CSMD1: variants seen among roughly 807,000 people sequenced by gnomAD.
The protein encoded by CSMD1 is CUB and Sushi multiple domains 1.
In CSMD1, 213 loss-of-function variants were observed where a neutral mutation model predicts 417.5. The observed-to-expected ratio is 0.51, with a 90% CI of 0.46 to 0.57. The LOEUF is 0.57. CSMD1 is among the 20% of genes least tolerant of loss of function. CSMD1 has a pLI of 0.00. For synonymous variants in CSMD1, 2,862 were observed against 1,736.8 expected (o/e 1.65, Z -16.11); for missense variants, 6,923 against 4,529.7 (o/e 1.53, Z -15.17).
At chr8:3,012,721 T>A (rs886316414) in intron 52 of CSMD1, among the ~76,000 whole-genome samples, 1 of 152,226 alleles carries the variant, frequency 6.6e-6, no homozygotes, top group Non-Finnish European at 1.5e-5. Context: ...ATCCACCTGT[T>A]TAAAAATACA....
intron 5 of CSMD1, among the ~76,000 whole-genome samples, chr8:3,910,355 A>G (rs188698265): frequency 1.9e-3 from 289 of 152,266 alleles, no homozygotes; most frequent in African/African-American, 6.7e-3. Context: ...TGGCAGGTGC[A>G]CCGAGGCCAC....
chr8:3,484,142 G>A (rs1322924421), intron 11 of CSMD1, among the ~76,000 whole-genome samples: 2 of 152,076 alleles, frequency 1.3e-5, no homozygotes, highest in East Asian at 1.9e-4. Flanking sequence ...TCTTGACAAA[G>A]AACAATAAAG....
chr8:3,613,220 T>C, intron 8 of CSMD1: 1 of 348,096 alleles, frequency 2.9e-6, no homozygotes, highest in Non-Finnish European at 5.7e-6. Context: ...GAAGTAGAAG[T>C]AGATCATCTA....
At chr8:4,973,566 C>T (rs1476516921) in intron 1 of CSMD1, among the ~76,000 whole-genome samples, 1 of 152,138 alleles carries the variant, frequency 6.6e-6, no homozygotes, top group African/African-American at 2.4e-5. Context: ...GACTCAAAAA[C>T]ATCTCTGCAA....
At chr8:4,711,072 A>T (rs765787253) in intron 1 of CSMD1, among the ~76,000 whole-genome samples, 6 of 151,938 alleles carry the variant, frequency 3.9e-5, no homozygotes, top group Non-Finnish European at 7.4e-5. Flanking sequence ...TCATGACATG[A>T]TATTTCAGAA....
chr8:3,738,114 T>A (rs1024547980), intron 6 of CSMD1, among the ~76,000 whole-genome samples: 3 of 152,210 alleles, frequency 2.0e-5, no homozygotes, highest in African/African-American at 4.8e-5. Flanking sequence ...GGCTCTAACA[T>A]ACACTTTTAT....
chr8:4,195,525 G>C (rs968370), intron 3 of CSMD1, among the ~76,000 whole-genome samples: 74,289 of 152,070 alleles, frequency 0.49, 19,886 homozygotes, highest in Non-Finnish European at 0.6. Flanking sequence ...CCCTGCTCTT[G>C]ACTGTGAGAA....
intron 2 of CSMD1, among the ~76,000 whole-genome samples, chr8:4,449,534 G>A (rs969487569): frequency 2.0e-5 from 3 of 152,178 alleles, no homozygotes; most frequent in African/African-American, 7.2e-5. Context: ...GTGTCTGTGA[G>A]TCACAGGAAG....
At chr8:4,451,554 G>C (rs1322385111) in intron 2 of CSMD1, among the ~76,000 whole-genome samples, 1 of 152,076 alleles carries the variant, frequency 6.6e-6, no homozygotes, top group African/African-American at 2.4e-5. Context: ...AAGGTAAAGG[G>C]TGAGCGATAG....
intron 2 of CSMD1, among the ~76,000 whole-genome samples, chr8:4,550,458 C>G (rs746975034): frequency 2.6e-5 from 4 of 151,804 alleles, no homozygotes; most frequent in Non-Finnish European, 5.9e-5. Flanking sequence ...AAAGGTATTG[C>G]ATTTTTAGGT....
intron 5 of CSMD1, among the ~76,000 whole-genome samples, chr8:3,994,284 G>T (rs143033257): frequency 0.018 from 2,775 of 152,060 alleles, 43 homozygotes; most frequent in Non-Finnish European, 0.025. Context: ...GGGAGTAAAT[G>T]CTCCCTCAGT....
At chr8:3,822,938 C>A (rs1174196536) in intron 5 of CSMD1, among the ~76,000 whole-genome samples, 1 of 152,108 alleles carries the variant, frequency 6.6e-6, no homozygotes, top group East Asian at 1.9e-4. Context: ...GGTATTCTAT[C>A]CCTGGGCTAA....
intron 5 of CSMD1, among the ~76,000 whole-genome samples, chr8:3,799,368 G>T (rs1398590793): frequency 1.3e-5 from 2 of 149,410 alleles, no homozygotes; most frequent in Non-Finnish European, 3.0e-5. Flanking sequence ...ATTGCATTAG[G>T]TATATCTCCT....
chr8:2,963,518 A>T (rs1016939947), intron 59 of CSMD1, 123 bp from the exon 60 acceptor site: 56 of 943,136 alleles, frequency 5.9e-5, no homozygotes, highest in African/African-American at 2.3e-4. Context: ...TTTTAAAAAA[A>T]AATAATAAAA....
At chr8:4,982,106 A>G (rs1050193042) in intron 1 of CSMD1, among the ~76,000 whole-genome samples, 6 of 152,184 alleles carry the variant, frequency 3.9e-5, no homozygotes, top group African/African-American at 1.4e-4. Flanking sequence ...TCAGGTGGCA[A>G]TGAAGTCCCA....
intron 1 of CSMD1, among the ~76,000 whole-genome samples, chr8:4,806,766 T>C (rs1798612449): frequency 6.6e-6 from 1 of 152,112 alleles, no homozygotes; most frequent in African/African-American, 2.4e-5. Flanking sequence ...ACCCATTTGA[T>C]CACAAAAATC....
At chr8:4,306,054 T>C (rs1209138872) in intron 3 of CSMD1, among the ~76,000 whole-genome samples, 1 of 152,222 alleles carries the variant, frequency 6.6e-6, no homozygotes, top group Non-Finnish European at 1.5e-5. Flanking sequence ...TGCACATTAC[T>C]GGACATTTTG....
At chr8:3,613,267 A>C (rs1013174139) in intron 8 of CSMD1, 2 of 422,604 alleles carry the variant, frequency 4.7e-6, no homozygotes, top group African/African-American at 4.1e-5. Context: ...TCAATCCGTA[A>C]TTAAAAACCT....
chr8:4,215,616 C>T (rs1040032861), intron 3 of CSMD1, among the ~76,000 whole-genome samples: 10 of 151,760 alleles, frequency 6.6e-5, no homozygotes, highest in African/African-American at 2.4e-4. Flanking sequence ...AACATGTTTA[C>T]TTTGAACATA....
Sources: gnomAD v4.1 joint callset for allele counts (sites outside exome capture counted in the v4.1 genomes callset) on GRCh38, gnomAD v4.1.1 for gene constraint, MANE v1.5 for transcripts, NCBI Gene and HGNC (gene_info 2026-07-23, HGNC 2026-07-21) for gene names.